Variants in ZNF521 observed in about 807,000 individuals in gnomAD.
The protein encoded by ZNF521 is zinc finger protein 521.
In ZNF521, 14 loss-of-function variants were observed where a neutral mutation model predicts 105.5. The observed-to-expected ratio is 0.13, with a 90% CI of 0.09 to 0.21. ZNF521 has a LOEUF of 0.21. ZNF521 is among the 10% of genes least tolerant of loss of function. The pLI is 1.00. For missense variants in ZNF521, 1,233 were observed against 1,629.7 expected (o/e 0.76, Z 4.19); for synonymous variants, 635 against 606.0 (o/e 1.05, Z -0.70).
At chr18:25,265,844 C>T (rs1316080254) in intron 3 of ZNF521, among the ~76,000 whole-genome samples, 4 of 152,152 alleles carry the variant, frequency 2.6e-5, no homozygotes, top group African/African-American at 7.2e-5. Flanking sequence ...CAATGGAGTA[C>T]TATTCAGACA....
intron 5 of ZNF521, among the ~76,000 whole-genome samples, chr18:25,168,020 T>C (rs983226231): frequency 1.3e-5 from 2 of 152,182 alleles, no homozygotes; most frequent in Non-Finnish European, 2.9e-5. Flanking sequence ...TCTTTTTTGG[T>C]GCTCAGAATA....
chr18:25,134,330 G>A (rs2034693874), intron 5 of ZNF521, among the ~76,000 whole-genome samples: 1 of 152,086 alleles, frequency 6.6e-6, no homozygotes, highest in Non-Finnish European at 1.5e-5. Flanking sequence ...CCAGGTGTGA[G>A]GCAACATGAG....
intron 3 of ZNF521, among the ~76,000 whole-genome samples, chr18:25,274,118 C>T (rs1311462186): frequency 2.0e-5 from 3 of 152,176 alleles, no homozygotes; most frequent in Non-Finnish European, 4.4e-5. Flanking sequence ...TTCCATGATG[C>T]AGACACACTG....
intron 2 of ZNF521, among the ~76,000 whole-genome samples, chr18:25,350,536 C>T (rs922475537): frequency 6.6e-6 from 1 of 152,150 alleles, no homozygotes; most frequent in Non-Finnish European, 1.5e-5. Context: ...TTTGCGAAAA[C>T]ACACAACAGA....
At chr18:25,349,540 A>G (rs1710016507) in intron 2 of ZNF521, among the ~76,000 whole-genome samples, 1 of 152,174 alleles carries the variant, frequency 6.6e-6, no homozygotes, top group Admixed American at 6.5e-5. Context: ...GAAGAAAGAA[A>G]GGGCTTTGTG....
At chr18:25,143,177 T>C (rs2034882071) in intron 5 of ZNF521, among the ~76,000 whole-genome samples, 1 of 152,186 alleles carries the variant, frequency 6.6e-6, no homozygotes, top group Non-Finnish European at 1.5e-5. Context: ...TTTTAGCATT[T>C]TGAACATAGT....
At chr18:25,342,629 C>T (rs924340152) in intron 2 of ZNF521, among the ~76,000 whole-genome samples, 3 of 151,264 alleles carry the variant, frequency 2.0e-5, no homozygotes, top group African/African-American at 4.8e-5. Flanking sequence ...GGGGTTTCAC[C>T]GTGTTAGCCA....
intron 3 of ZNF521, among the ~76,000 whole-genome samples, chr18:25,308,625 T>A: frequency 6.7e-6 from 1 of 148,980 alleles, no homozygotes; most frequent in Non-Finnish European, 1.5e-5. Flanking sequence ...ACCACCCCAA[T>A]GTGCCAAGTT....
chr18:25,172,475 T>A (rs2035465460), intron 5 of ZNF521, among the ~76,000 whole-genome samples: 1 of 152,218 alleles, frequency 6.6e-6, no homozygotes, highest in Non-Finnish European at 1.5e-5. Context: ...AAAAGCTTAC[T>A]GGCATCAAAC....
In ZNF521 at chr18:25,225,838, A is replaced by G; in HGVS notation, c.2080T>C (p.Tyr694His). 6.2e-7 allele frequency: 1 copy of G among 1,614,224 alleles called. No homozygotes were observed. Residue 694 changes from tyrosine to histidine, a missense_variant, in exon 4 of 8, where the codon TAC (tyrosine) becomes CAC (histidine). Tyr to His is a moderately conservative substitution (Grantham distance 83). Transcript: ENST00000361524. This position sits in a 1 kb window ranked among gnomAD's most constrained non-coding sequence, Gnocchi z 5.6. ...TGCTTGTCACAACTCTCACAGATGTAATACGTTGAAGTGATCATAAAGTGA... is the reference window on the plus strand; with the variant it reads ...TGCTTGTCACAACTCTCACAGATGTGATACGTTGAAGTGATCATAAAGTGA... ...TIHFMITSTY[Y>H]ICESCDKQFT...
chr18:25,151,826 G>A (rs1172747275), intron 5 of ZNF521, among the ~76,000 whole-genome samples: 2 of 152,184 alleles, frequency 1.3e-5, no homozygotes, highest in Non-Finnish European at 2.9e-5. Context: ...AGCTAAGACT[G>A]TCAATCAGAG....
intron 3 of ZNF521, among the ~76,000 whole-genome samples, chr18:25,236,844 T>A (rs1363717629): frequency 2.0e-5 from 3 of 152,168 alleles, no homozygotes; most frequent in Admixed American, 1.3e-4. Flanking sequence ...TCATCTTTAG[T>A]TAGGGTATGA....
chr18:25,128,966 A>G (rs1405371015), intron 5 of ZNF521, among the ~76,000 whole-genome samples: 2 of 151,970 alleles, frequency 1.3e-5, no homozygotes, highest in Non-Finnish European at 2.9e-5. Context: ...TATAGTTTAT[A>G]CAAAAGGCAA....
chr18:25,157,511 G>A (rs1015186039), intron 5 of ZNF521, among the ~76,000 whole-genome samples: 12 of 152,206 alleles, frequency 7.9e-5, no homozygotes, highest in African/African-American at 2.4e-4. Context: ...ACTATTAGAA[G>A]AGCAACACGT....
At chr18:25,215,408 C>T in intron 4 of ZNF521, among the ~76,000 whole-genome samples, 1 of 152,052 alleles carries the variant, frequency 6.6e-6, no homozygotes, top group East Asian at 1.9e-4. Flanking sequence ...AATAAGAGAT[C>T]CAGACATCCG....
At chr18:25,070,690 G>C (rs143424763) in intron 7 of ZNF521, among the ~76,000 whole-genome samples, 35 of 152,026 alleles carry the variant, frequency 2.3e-4, no homozygotes, top group African/African-American at 8.2e-4. Flanking sequence ...AGCCACTACT[G>C]CCAACATGCT....
At chr18:25,312,817 CA>C (rs11343299) in intron 3 of ZNF521, among the ~76,000 whole-genome samples, 3,242 of 16,386 alleles carry the variant, frequency 0.2, 192 homozygotes, top group African/African-American at 0.4. Flanking sequence ...GACTCCGTCT[CA>C]AAAAAAAAAA....
chr18:25,241,915 C>T (rs1360084679), intron 3 of ZNF521, among the ~76,000 whole-genome samples: 1 of 152,064 alleles, frequency 6.6e-6, no homozygotes, highest in Non-Finnish European at 1.5e-5. Context: ...AGAATGTATG[C>T]GTGCTTTTAA....
chr18:25,298,173 A>T (rs1911431168), intron 3 of ZNF521, among the ~76,000 whole-genome samples: 1 of 152,216 alleles, frequency 6.6e-6, no homozygotes, highest in Non-Finnish European at 1.5e-5. Context: ...CATTTAAATC[A>T]GAGAGAAAGA....
Sources: gnomAD v4.1 joint callset for allele counts (sites outside exome capture counted in the v4.1 genomes callset) on GRCh38, gnomAD v4.1.1 for gene constraint, Gnocchi (gnomAD v3.1) non-coding constraint, MANE v1.5 for transcripts, NCBI Gene and HGNC (gene_info 2026-07-23, HGNC 2026-07-21) for gene names.